Variants in RALYL observed in about 807,000 individuals in gnomAD.
RALYL encodes RALY RNA binding protein like.
In RALYL, 29 loss-of-function variants were observed where a neutral mutation model predicts 35.1. The ratio of observed to expected loss-of-function variants is 0.83; its 90% confidence interval spans 0.61 to 1.13. RALYL has a LOEUF of 1.13. RALYL is among the 50% of genes most tolerant of loss of function. The pLI is 0.00. For missense variants in RALYL, 359 were observed against 360.4 expected, an observed-to-expected ratio of 1.00 and a Z score of 0.03; for synonymous variants, 120 against 127.6, an observed-to-expected ratio of 0.94 and a Z score of 0.40.
chr8:84,289,071 A>G (rs980560492), intron 1 of RALYL, among the ~76,000 whole-genome samples: 3 of 152,100 alleles, frequency 2.0e-5, no homozygotes, highest in Non-Finnish European at 4.4e-5. Flanking sequence ...AATTAGCTTC[A>G]CCCAAAGGAA....
intron 2 of RALYL, among the ~76,000 whole-genome samples, chr8:84,548,239 A>T (rs2060491674): frequency 6.7e-6 from 1 of 148,886 alleles, no homozygotes; most frequent in African/African-American, 2.5e-5. Flanking sequence ...CTTAAGTATG[A>T]TTTTCTGTGT....
rs142769719 is a variant in RALYL at position 84,694,734 on chromosome 8, A to G, written c.257-79845A>G. 4.0e-3 allele frequency among the ~76,000 whole-genome samples: 601 copies of G among 152,014 alleles called. 6 individuals are homozygous for G. Among genetic ancestry groups the G allele is most frequent in the African/African-American group, 0.013 (551 of 41,554 alleles). On this transcript the variant is annotated intron_variant, in intron 2 of 8. Coordinates refer to ENST00000521268, the MANE Select transcript of RALYL (RefSeq NM_173848.7). ...ACAAAGCTATAGTAATCAAAGTGGC[A>G]TGGTACTGTCATAAAAACGGACACA...
intron 7 of RALYL, among the ~76,000 whole-genome samples, chr8:84,875,454 A>G (rs1255229271): frequency 6.6e-6 from 1 of 152,154 alleles, no homozygotes; most frequent in East Asian, 1.9e-4. Context: ...ACTAAAATTC[A>G]AAGCTTGCAT....
At chr8:84,563,050 T>A (rs567858027) in intron 2 of RALYL, among the ~76,000 whole-genome samples, 2 of 151,906 alleles carry the variant, frequency 1.3e-5, no homozygotes, top group African/African-American at 4.8e-5. Flanking sequence ...GAGTACCTGA[T>A]GACCCCTTTG....
At chr8:84,557,839 C>A (rs575729563) in intron 2 of RALYL, among the ~76,000 whole-genome samples, 1 of 151,908 alleles carries the variant, frequency 6.6e-6, no homozygotes, top group African/African-American at 2.4e-5. Flanking sequence ...AGTCACACTG[C>A]CCAAAAGAAG....
In RALYL at chr8:84,887,599, C is replaced by CG. The variant is rs779483659; in HGVS notation, c.686-5_686-4insG. 1 of 1,602,602 alleles carries CG rather than the reference C, an allele frequency of 6.2e-7. No homozygotes were observed. Among genetic ancestry groups the CG allele is most frequent in the Non-Finnish European group, 8.5e-7 (1 of 1,174,954 alleles). On this transcript the variant is annotated splice_region_variant and splice_polypyrimidine_tract_variant and intron_variant, in intron 7 of 8. Coordinates refer to ENST00000521268, the MANE Select transcript of RALYL (RefSeq NM_173848.7). ...TAGTAGTCATTTGCTTTCTCCCCCC[C>CG]CCAGAAGCTCAGAAGAAGCAATTGG...
chr8:84,557,671 T>C (rs2061221037), intron 2 of RALYL, among the ~76,000 whole-genome samples: 1 of 152,176 alleles, frequency 6.6e-6, no homozygotes, highest in African/African-American at 2.4e-5. Context: ...GTATTTACAA[T>C]AGAGTTGGCA....
chr8:84,500,445 C>G (rs903719102), intron 1 of RALYL, among the ~76,000 whole-genome samples: 1 of 152,132 alleles, frequency 6.6e-6, no homozygotes, highest in African/African-American at 2.4e-5. Flanking sequence ...AGCTCTTGAA[C>G]TGGAAAATTT....
At chr8:84,464,338 G>A (rs1192781132) in intron 1 of RALYL, among the ~76,000 whole-genome samples, 1 of 150,928 alleles carries the variant, frequency 6.6e-6, no homozygotes, top group Admixed American at 6.6e-5. Flanking sequence ...TCCCCTTCCT[G>A]TGTCCATGTG....
At chr8:84,302,159 TC>T (rs1247796378) in intron 1 of RALYL, among the ~76,000 whole-genome samples, 1 of 152,282 alleles carries the variant, frequency 6.6e-6, no homozygotes, top group Admixed American at 6.5e-5. Context: ...ACTTACCCCA[TC>T]TTTTCCTCAA....
At chr8:84,817,994 G>A (rs767709932) in intron 4 of RALYL, among the ~76,000 whole-genome samples, 4 of 152,108 alleles carry the variant, frequency 2.6e-5, no homozygotes, top group Non-Finnish European at 5.9e-5. Context: ...TCACTGAATC[G>A]CAGAAATGTT....
chr8:84,441,566 T>A (rs1053637084), intron 1 of RALYL, among the ~76,000 whole-genome samples: 4 of 152,162 alleles, frequency 2.6e-5, no homozygotes, highest in Admixed American at 6.6e-5. Context: ...CTTTTGAGTT[T>A]GCTTTAAAGC....
intron 1 of RALYL, among the ~76,000 whole-genome samples, chr8:84,340,581 A>G (rs1158153205): frequency 2.0e-5 from 3 of 152,086 alleles, no homozygotes; most frequent in African/African-American, 7.2e-5. Flanking sequence ...AATGTCCTCC[A>G]GGTTCATCCA....
At chr8:84,854,612 T>G (rs933134458) in intron 5 of RALYL, among the ~76,000 whole-genome samples, 39 of 152,170 alleles carry the variant, frequency 2.6e-4, no homozygotes, top group African/African-American at 9.4e-4. Flanking sequence ...ATGCTGCTTG[T>G]TTAGATCATG....
chr8:84,399,809 C>CAG (rs1409439831), intron 1 of RALYL, among the ~76,000 whole-genome samples: 2 of 152,180 alleles, frequency 1.3e-5, no homozygotes, highest in African/African-American at 2.4e-5. Context: ...AAGGAATTCT[C>CAG]TTCTAAGTCT....
At chr8:84,767,483 CT>C (rs1204773698) in intron 2 of RALYL, among the ~76,000 whole-genome samples, 13 of 152,176 alleles carry the variant, frequency 8.5e-5, no homozygotes, top group African/African-American at 1.2e-4. Flanking sequence ...GCAAATTTTA[CT>C]TTTTTTATAC....
intron 1 of RALYL, among the ~76,000 whole-genome samples, chr8:84,383,782 T>TAAA (rs201551975): frequency 2.4e-4 from 31 of 129,030 alleles, no homozygotes; most frequent in African/African-American, 8.4e-4. Flanking sequence ...ACAGTTACAT[T>TAAA]AAAAAAAAAA....
Position 84,871,119 on chromosome 8 carries a change from T to G in RALYL, c.572-2165T>G, listed in dbSNP as rs576354392. 3.3e-5 allele frequency among the ~76,000 whole-genome samples: 5 copies of G among 152,316 alleles called. No homozygotes were observed. In the South Asian group the frequency reaches 1.0e-3, roughly 32 times the overall value. On this transcript the variant is annotated intron_variant, in intron 6 of 8. Coordinates refer to ENST00000521268, the MANE Select transcript of RALYL (RefSeq NM_173848.7). ...CCGTGTTACATTTCAACATTGTTTCTTGAGTAACATTAACTTATTAGACCC... is the reference window on the plus strand; with the variant it reads ...CCGTGTTACATTTCAACATTGTTTCGTGAGTAACATTAACTTATTAGACCC...
chr8:84,189,334 G>A (rs1446272453), intron 1 of RALYL, among the ~76,000 whole-genome samples: 2 of 152,176 alleles, frequency 1.3e-5, no homozygotes, highest in Non-Finnish European at 2.9e-5. Flanking sequence ...AAACTTCAGA[G>A]TGGGAATTGA....
Sources: gnomAD v4.1 joint callset for allele counts (sites outside exome capture counted in the v4.1 genomes callset) on GRCh38, gnomAD v4.1.1 for gene constraint, MANE v1.5 for transcripts, NCBI Gene and HGNC (gene_info 2026-07-23, HGNC 2026-07-21) for gene names.